The following ROBO1 variants were observed in gnomAD, a reference collection of about 807,000 sequenced individuals.
ROBO1 encodes the protein roundabout guidance receptor 1, also known as roundabout homolog 1.
Under a neutral mutation model 195.9 loss-of-function variants are expected in ROBO1, and 149 were observed. That is an observed-to-expected ratio of 0.76 (90% CI 0.67 to 0.87). ROBO1 has a LOEUF of 0.87. Ranked by LOEUF, ROBO1 falls within the 40% of genes least tolerant of loss-of-function variation. The pLI is 0.00. For synonymous variants in ROBO1, 816 were observed against 733.2 expected (o/e 1.11, Z -1.82); for missense variants, 1,933 against 2,068.3 (o/e 0.93, Z 1.27).
intron 4 of ROBO1, among the ~76,000 whole-genome samples, chr3:78,933,414 A>T (rs2039637598): frequency 6.6e-6 from 1 of 152,144 alleles, no homozygotes; most frequent in Non-Finnish European, 1.5e-5. Flanking sequence ...ATGTATATCC[A>T]AATACTTCTG....
intron 4 of ROBO1, among the ~76,000 whole-genome samples, chr3:78,868,887 T>C (rs1010815959): frequency 6.6e-5 from 10 of 152,202 alleles, no homozygotes; most frequent in African/African-American, 2.2e-4. Flanking sequence ...CCTGTTATTT[T>C]TTAAAGAAGT....
chr3:79,279,404 G>A (rs550267213), intron 2 of ROBO1, among the ~76,000 whole-genome samples: 2 of 152,078 alleles, frequency 1.3e-5, no homozygotes, highest in Non-Finnish European at 2.9e-5. Context: ...GATCATCAAC[G>A]AAATGCAAAT....
chr3:78,963,498 TTTTTTTTTTTTTTTTTTTTTTTC>T, intron 3 of ROBO1, among the ~76,000 whole-genome samples: 1 of 116,110 alleles, frequency 8.6e-6, no homozygotes, highest in Non-Finnish European at 1.8e-5. Flanking sequence ...CCTTCAGTTT[TTTTTTTTTTTTTTTTTTTTTTTC>T]TTTTTTTTTT....
rs1277798894 is a variant in ROBO1, at chr3:78,688,703, C to T, written c.1115G>A (p.Cys372Tyr). The T allele has an allele frequency of 6.2e-7, 1 of 1,609,112 alleles. No homozygotes were observed. The highest frequency in any genetic ancestry group is 1.7e-5 in the Admixed American group (1 of 59,440). The change falls in exon 9 of 31, where the codon TGT becomes TAT. Residue 372 changes from cysteine (C) to tyrosine (Y), a missense_variant. Coordinates refer to ENST00000464233, the MANE Select transcript of ROBO1 (RefSeq NM_002941.4). ...TGGTTGAGGATTTCCGGTTGCTTCACACTGAAAAGTTACAGTCCGTCCCAA... is the reference window on the plus strand; with the variant it reads ...TGGTTGAGGATTTCCGGTTGCTTCATACTGAAAAGTTACAGTCCGTCCCAA... Reference protein sequence around the residue: ...VALGRTVTFQCEATGNPQPAI... With the variant: ...VALGRTVTFQYEATGNPQPAI...
At chr3:78,949,850 A>C in intron 3 of ROBO1, among the ~76,000 whole-genome samples, 1 of 152,216 alleles carries the variant, frequency 6.6e-6, no homozygotes, top group Non-Finnish European at 1.5e-5. Flanking sequence ...AAGTGGGCGA[A>C]GGATATGAAC....
chr3:79,700,168 G>A (rs1006327463), intron 1 of ROBO1, among the ~76,000 whole-genome samples: 1 of 151,686 alleles, frequency 6.6e-6, no homozygotes, highest in Non-Finnish European at 1.5e-5. Flanking sequence ...ACATGATTTT[G>A]GTTTTTTATG....
At chr3:79,481,105 T>C (rs1938829279) in intron 2 of ROBO1, among the ~76,000 whole-genome samples, 1 of 152,168 alleles carries the variant, frequency 6.6e-6, no homozygotes, top group South Asian at 2.1e-4. Flanking sequence ...TTATAATGTA[T>C]TCTACTGATG....
intron 5 of ROBO1, among the ~76,000 whole-genome samples, chr3:78,734,241 T>C (rs923261625): frequency 1.3e-5 from 2 of 152,116 alleles, no homozygotes; most frequent in African/African-American, 4.8e-5. Flanking sequence ...GTCCTCTATG[T>C]CATCTAATGT....
intron 3 of ROBO1, among the ~76,000 whole-genome samples, chr3:78,992,588 A>G (rs939482882): frequency 6.6e-6 from 1 of 152,154 alleles, no homozygotes; most frequent in African/African-American, 2.4e-5. Context: ...ACATTTACTT[A>G]CTGTTTAAAA....
intron 3 of ROBO1, among the ~76,000 whole-genome samples, chr3:78,947,921 A>G (rs1255336187): frequency 6.6e-6 from 1 of 152,236 alleles, no homozygotes; most frequent in Non-Finnish European, 1.5e-5. Context: ...TAGAAAATCT[A>G]GAAGAAATGG....
intron 2 of ROBO1, among the ~76,000 whole-genome samples, chr3:79,396,469 A>T (rs561552493): frequency 6.6e-6 from 1 of 152,088 alleles, no homozygotes; most frequent in Non-Finnish European, 1.5e-5. Context: ...AATTAGAAAA[A>T]CATTAAAAAA....
intron 4 of ROBO1, among the ~76,000 whole-genome samples, chr3:78,909,612 G>A (rs565151014): frequency 3.3e-5 from 5 of 151,688 alleles, no homozygotes; most frequent in Non-Finnish European, 7.4e-5. Flanking sequence ...TATTTGTGGT[G>A]GTGAATATTT....
intron 4 of ROBO1, among the ~76,000 whole-genome samples, chr3:78,854,673 T>C (rs1329618127): frequency 6.6e-6 from 1 of 152,090 alleles, no homozygotes; most frequent in African/African-American, 2.4e-5. Flanking sequence ...ACTACAAGAC[T>C]TAGAAATTCA....
At chr3:79,445,880 C>T (rs1389497153) in intron 2 of ROBO1, among the ~76,000 whole-genome samples, 1 of 152,024 alleles carries the variant, frequency 6.6e-6, no homozygotes, top group Admixed American at 6.5e-5. Context: ...TCGCGATCTC[C>T]TGACCTCGTG....
In ROBO1 at chr3:79,641,339, A is replaced by T. The variant is rs994756665; in HGVS notation, c.-50-51378T>A. The stretch of plus-strand genomic sequence containing the variant: ...ATTGCTGATCAACCTTCCCTACACA[A>T]CTCTTTTTTACATCTTTAAAAATAA... On this transcript the variant is annotated intron_variant, in intron 1 of 30. Coordinates refer to ENST00000464233, the MANE Select transcript of ROBO1 (RefSeq NM_002941.4). Among the ~76,000 whole-genome samples, 16 of 151,934 alleles carry T rather than the reference A, an allele frequency of 1.1e-4. No individual in the cohort carries two copies. In the East Asian group the frequency reaches 2.9e-3, roughly 28 times the overall value.
At chr3:78,723,581 G>A (rs1030726991) in intron 5 of ROBO1, among the ~76,000 whole-genome samples, 1 of 152,010 alleles carries the variant, frequency 6.6e-6, no homozygotes, top group Non-Finnish European at 1.5e-5. Flanking sequence ...CTTAATGGAG[G>A]CAATCACCCT....
chr3:79,603,131 T>C (rs1944386396), intron 1 of ROBO1, among the ~76,000 whole-genome samples: 1 of 152,008 alleles, frequency 6.6e-6, no homozygotes, highest in African/African-American at 2.4e-5. Context: ...CCATATTATG[T>C]ACTGCCTTGA....
chr3:78,628,120 A>C (rs1704933979), intron 25 of ROBO1, among the ~76,000 whole-genome samples: 1 of 151,942 alleles, frequency 6.6e-6, no homozygotes, highest in South Asian at 2.1e-4. Flanking sequence ...TGCCCAGTTA[A>C]TTTTTGTATT....
intron 22 of ROBO1, among the ~76,000 whole-genome samples, chr3:78,639,202 C>T (rs1436796917): frequency 6.6e-6 from 1 of 151,876 alleles, no homozygotes; most frequent in Non-Finnish European, 1.5e-5. Context: ...CACGCCTGTA[C>T]TCCCAGCACT....
Sources: gnomAD v4.1 joint callset for allele counts (sites outside exome capture counted in the v4.1 genomes callset) on GRCh38, gnomAD v4.1.1 for gene constraint, MANE v1.5 for transcripts, NCBI Gene and HGNC (gene_info 2026-07-23, HGNC 2026-07-21) for gene names.